RORA: variants seen among roughly 807,000 people sequenced by gnomAD.
The protein encoded by RORA is nuclear receptor ROR-alpha.
Under a neutral mutation model 69.5 loss-of-function variants are expected in RORA, and 7 were observed. The observed-to-expected ratio is 0.10, with a 90% CI of 0.06 to 0.19. RORA has a LOEUF of 0.19. RORA is among the 10% of genes least tolerant of loss of function. RORA has a pLI of 1.00. For synonymous variants in RORA, 261 were observed against 240.8 expected, an observed-to-expected ratio of 1.08 and a Z score of -0.78; for missense variants, 457 against 663.0, an observed-to-expected ratio of 0.69 and a Z score of 3.41.
intron 1 of RORA, among the ~76,000 whole-genome samples, chr15:60,768,757 T>A (rs11071554): frequency 0.016 from 2,363 of 152,130 alleles, 70 homozygotes; most frequent in African/African-American, 0.055. Context: ...ATTTTTGTTA[T>A]TTCTAATGAA....
chr15:60,709,957 G>C (rs2071120925), intron 1 of RORA, among the ~76,000 whole-genome samples: 1 of 152,098 alleles, frequency 6.6e-6, no homozygotes, highest in South Asian at 2.1e-4. Flanking sequence ...CCACATGTGA[G>C]GCAGTGGCTG....
At chr15:61,042,888 C>A (rs894788679) in intron 1 of RORA, among the ~76,000 whole-genome samples, 1 of 152,156 alleles carries the variant, frequency 6.6e-6, no homozygotes, top group African/African-American at 2.4e-5. Flanking sequence ...CCAGACTCTC[C>A]CCTTCTAAAG....
In RORA at chr15:60,659,286, T is replaced by C. The variant is rs1657765; in HGVS notation, c.196+19371A>G. 4.4e-3 allele frequency among the ~76,000 whole-genome samples: 665 copies of C among 152,246 alleles called. 3 individuals carry two copies. The highest frequency in any genetic ancestry group is 0.015 in the African/African-American group (606 of 41,548). On this transcript the variant is annotated intron_variant, in intron 2 of 10. Transcript: ENST00000335670. ...GGAAAAGGGTACTGATTTTGAAGGGTCCCAGTCTTGCTTCCACTTCTGTAA... is the reference window on the plus strand; with the variant it reads ...GGAAAAGGGTACTGATTTTGAAGGGCCCCAGTCTTGCTTCCACTTCTGTAA...
chr15:61,196,975 G>A (rs2079850896), intron 1 of RORA, among the ~76,000 whole-genome samples: 1 of 152,194 alleles, frequency 6.6e-6, no homozygotes, highest in South Asian at 2.1e-4. Flanking sequence ...GCAGGTTTAA[G>A]GCAGAGCTTG....
intron 2 of RORA, among the ~76,000 whole-genome samples, chr15:60,635,758 C>G (rs1209251276): frequency 6.6e-6 from 1 of 152,078 alleles, no homozygotes; most frequent in Non-Finnish European, 1.5e-5. Flanking sequence ...CGCTGAAGAT[C>G]GTTAGGGTAA....
intron 1 of RORA, among the ~76,000 whole-genome samples, chr15:60,875,449 C>T (rs913496271): frequency 6.6e-6 from 1 of 152,076 alleles, no homozygotes; most frequent in Non-Finnish European, 1.5e-5. Flanking sequence ...GGAACTCAGG[C>T]TCTGTGCCTC....
intron 1 of RORA, among the ~76,000 whole-genome samples, chr15:61,099,180 T>C (rs767190082): frequency 1.3e-5 from 2 of 152,196 alleles, no homozygotes; most frequent in Non-Finnish European, 2.9e-5. Context: ...CATATCTAAT[T>C]ACGGTTTACC....
At chr15:60,565,940 A>G (rs1305333203) in intron 2 of RORA, among the ~76,000 whole-genome samples, 4 of 152,204 alleles carry the variant, frequency 2.6e-5, no homozygotes, top group Non-Finnish European at 5.9e-5. Context: ...TTGCCCACCT[A>G]CACTCTTGAT....
intron 1 of RORA, among the ~76,000 whole-genome samples, chr15:60,820,256 T>G (rs933539634): frequency 1.3e-5 from 2 of 152,180 alleles, no homozygotes; most frequent in Admixed American, 1.3e-4. Context: ...TTTTGAAAGT[T>G]GCCTATTTTT....
chr15:61,228,964 C>T, intron 1 of RORA, 89 bp downstream of exon 1: 1 of 575,520 alleles, frequency 1.7e-6, no homozygotes, highest in Non-Finnish European at 2.2e-6. Flanking sequence ...GCCGCCGGAC[C>T]CCGCGCCCCG....
intron 2 of RORA, among the ~76,000 whole-genome samples, chr15:60,646,398 A>T (rs1237316738): frequency 6.6e-6 from 1 of 152,170 alleles, no homozygotes; most frequent in East Asian, 1.9e-4. Flanking sequence ...TCTCTCTATT[A>T]CAGCCTGTAT....
chr15:60,879,404 T>C (rs1875889262), intron 1 of RORA, among the ~76,000 whole-genome samples: 1 of 152,052 alleles, frequency 6.6e-6, no homozygotes, highest in Non-Finnish European at 1.5e-5. Flanking sequence ...TGAGATAATA[T>C]ATTTAAGGCC....
At chr15:61,092,338 T>A (rs8036086) in intron 1 of RORA, among the ~76,000 whole-genome samples, 36,455 of 152,168 alleles carry the variant, frequency 0.24, 4,851 homozygotes, top group East Asian at 0.45. Context: ...AGTTTTTAGG[T>A]CTCTCGGTAA....
intron 1 of RORA, among the ~76,000 whole-genome samples, chr15:61,067,118 T>C (rs1191401945): frequency 2.0e-5 from 3 of 150,098 alleles, no homozygotes; most frequent in Non-Finnish European, 3.0e-5. Flanking sequence ...TTTTTTCTTT[T>C]TTTTTTTTTT....
intron 1 of RORA, among the ~76,000 whole-genome samples, chr15:60,970,672 A>G (rs1444194629): frequency 6.6e-6 from 1 of 152,234 alleles, no homozygotes; most frequent in Non-Finnish European, 1.5e-5. Flanking sequence ...ACAATTTCTC[A>G]TAGTATCCCT....
In RORA at chr15:60,895,201, C is replaced by T. The variant is rs1052495974; in HGVS notation, c.167-216515G>A. Reference sequence around the variant, plus strand: ...AAATGAAATCCAGGTCCTTGATACCCGGAGGCAAGAAAGCGAACGGAAGAT... The same window carrying T: ...AAATGAAATCCAGGTCCTTGATACCTGGAGGCAAGAAAGCGAACGGAAGAT... On this transcript the variant is annotated intron_variant, in intron 1 of 10. Transcript: ENST00000335670. Among the ~76,000 whole-genome samples the T allele has an allele frequency of 3.9e-5, 6 of 152,114 alleles. 1 individual carries two copies. The highest frequency in any genetic ancestry group is 3.9e-4 in the Admixed American group (6 of 15,268).
intron 1 of RORA, among the ~76,000 whole-genome samples, chr15:60,853,372 CGAT>C (rs2073346193): frequency 6.6e-6 from 1 of 152,126 alleles, no homozygotes; most frequent in Non-Finnish European, 1.5e-5. Flanking sequence ...CAGCAGAAGA[CGAT>C]AATAGAGAAA....
chr15:61,075,655 G>C (rs2078437689), intron 1 of RORA, among the ~76,000 whole-genome samples: 1 of 152,180 alleles, frequency 6.6e-6, no homozygotes, highest in Admixed American at 6.5e-5. Context: ...AGAAAACTCA[G>C]GTCCATCTGA....
chr15:60,560,631 C>A (rs1595976117), intron 2 of RORA, among the ~76,000 whole-genome samples: 1 of 152,220 alleles, frequency 6.6e-6, no homozygotes, highest in Non-Finnish European at 1.5e-5. Flanking sequence ...ATCACTTGAG[C>A]CTGGGTCACG....
Sources: allele counts gnomAD v4.1 joint callset (sites outside exome capture counted in the v4.1 genomes callset), GRCh38; gene constraint gnomAD v4.1.1; transcripts MANE v1.5; gene names NCBI Gene and HGNC (gene_info 2026-07-23, HGNC 2026-07-21).